Variants in GPHN observed in about 807,000 individuals in gnomAD.
The protein encoded by GPHN is gephyrin.
GPHN carries 17 observed loss-of-function variants against 95.5 expected under a neutral mutation model. The ratio of observed to expected loss-of-function variants is 0.18; its 90% CI spans 0.12 to 0.27. GPHN has a LOEUF of 0.27. Among genes scored for constraint, GPHN ranks in the 10% least tolerant of loss-of-function variants. The pLI is 1.00. For synonymous variants in GPHN, 320 were observed against 322.5 expected, an observed-to-expected ratio of 0.99 and a Z score of 0.08; for missense variants, 660 against 978.1, an observed-to-expected ratio of 0.67 and a Z score of 4.34.
chr14:67,442,910 C>G, the GPHN span, among the ~76,000 whole-genome samples: 3 of 152,190 alleles, frequency 2.0e-5, no homozygotes, highest in East Asian at 5.8e-4. Flanking sequence ...TGTAATAAAG[C>G]CAACGACGTT....
chr14:67,346,861 A>C, the GPHN span, among the ~76,000 whole-genome samples: 6 of 152,332 alleles, frequency 3.9e-5, 1 homozygote, highest in South Asian at 1.2e-3. Context: ...ACAGAAGTCT[A>C]ATCAGTGAAT....
the GPHN span, among the ~76,000 whole-genome samples, chr14:67,293,516 G>A: frequency 3.9e-5 from 6 of 152,134 alleles, no homozygotes; most frequent in Non-Finnish European, 8.8e-5. Flanking sequence ...GTACTTTGTA[G>A]ATTAGCACAT....
At chr14:67,121,040 A>T (rs1030476184) in intron 16 of GPHN, among the ~76,000 whole-genome samples, 1 of 152,192 alleles carries the variant, frequency 6.6e-6, no homozygotes, top group Non-Finnish European at 1.5e-5. Flanking sequence ...ATTGTCTGGG[A>T]GAATTCATAT....
chr14:67,381,536 TA>T, the GPHN span: 1 of 1,399,670 alleles, frequency 7.1e-7, no homozygotes, highest in Non-Finnish European at 1.0e-6. Flanking sequence ...TGATTTCCTT[TA>T]AACTTTTAAA....
At chr14:67,398,477 TCTC>T in the GPHN span, among the ~76,000 whole-genome samples, 4 of 152,088 alleles carry the variant, frequency 2.6e-5, no homozygotes, top group African/African-American at 9.7e-5. Flanking sequence ...AAACTACCCT[TCTC>T]TTTATTCCTG....
chr14:67,039,111 A>G (rs926950836), intron 10 of GPHN, among the ~76,000 whole-genome samples: 1 of 152,190 alleles, frequency 6.6e-6, no homozygotes, highest in Non-Finnish European at 1.5e-5. Flanking sequence ...TCCATTTTCC[A>G]TAGTACTAAG....
chr14:67,095,859 G>T (rs2077350865), intron 12 of GPHN, among the ~76,000 whole-genome samples: 1 of 149,074 alleles, frequency 6.7e-6, no homozygotes, highest in Non-Finnish European at 1.5e-5. Flanking sequence ...CAGCACACCA[G>T]CATGGCACAT....
At chr14:67,302,772 A>T in the GPHN span, among the ~76,000 whole-genome samples, 8 of 152,176 alleles carry the variant, frequency 5.3e-5, no homozygotes, top group Non-Finnish European at 1.2e-4. Context: ...TTTCTGATGT[A>T]TCACTATCAC....
intron 3 of GPHN, among the ~76,000 whole-genome samples, chr14:66,805,494 T>G (rs903607888): frequency 4.6e-5 from 7 of 152,094 alleles, no homozygotes; most frequent in African/African-American, 1.4e-4. Flanking sequence ...GTCCAAAGTC[T>G]CATCCAAGAC....
the GPHN span, among the ~76,000 whole-genome samples, chr14:67,594,368 G>C: frequency 6.6e-6 from 1 of 152,302 alleles, no homozygotes; most frequent in Non-Finnish European, 1.5e-5. Flanking sequence ...AAAGGACCCA[G>C]CCGAGTGAGG....
intron 1 of GPHN, among the ~76,000 whole-genome samples, chr14:66,617,556 G>T (rs1006618356): frequency 1.3e-5 from 2 of 152,124 alleles, no homozygotes; most frequent in Non-Finnish European, 2.9e-5. Flanking sequence ...GTTCTGATGA[G>T]ATAACCTGGA....
the GPHN span, chr14:67,573,850 G>A: frequency 1.2e-6 from 2 of 1,613,762 alleles, no homozygotes; most frequent in Non-Finnish European, 1.7e-6. The surrounding 1 kb of genome is among the most constrained non-coding windows in gnomAD (Gnocchi z 4.8). Flanking sequence ...AACTCCCGCT[G>A]CCAAATTGTT....
At chr14:66,986,571 A>G (rs2071041582) in intron 9 of GPHN, among the ~76,000 whole-genome samples, 1 of 152,160 alleles carries the variant, frequency 6.6e-6, no homozygotes, top group South Asian at 2.1e-4. Flanking sequence ...ATCACATTTA[A>G]TGCTGCCACC....
intron 1 of GPHN, among the ~76,000 whole-genome samples, chr14:66,519,700 G>T (rs1416940129): frequency 1.3e-5 from 2 of 152,018 alleles, no homozygotes; most frequent in East Asian, 3.8e-4. Flanking sequence ...ATAGTATTTT[G>T]CACTTTCTTC....
intron 4 of GPHN, among the ~76,000 whole-genome samples, chr14:66,873,827 C>T (rs773719601): frequency 5.9e-5 from 9 of 151,930 alleles, no homozygotes; most frequent in Middle Eastern, 3.2e-3. Context: ...CGGATGTGGG[C>T]GCATACTTAA....
At chr14:66,976,732 C>A (rs1178291661) in intron 9 of GPHN, among the ~76,000 whole-genome samples, 1 of 151,960 alleles carries the variant, frequency 6.6e-6, no homozygotes, top group African/African-American at 2.4e-5. Context: ...GACATTTTAA[C>A]CCTGTTCTTA....
chr14:67,473,286 G>A, the GPHN span: 32 of 1,264,492 alleles, frequency 2.5e-5, no homozygotes, highest in Admixed American at 7.4e-4. The surrounding 1 kb of genome is among the most constrained non-coding windows in gnomAD (Gnocchi z 6.5). Flanking sequence ...ACGTTAGGGG[G>A]CTCTGTGTGC....
At chr14:66,587,392 G>T (rs886866250) in intron 1 of GPHN, among the ~76,000 whole-genome samples, 4 of 152,154 alleles carry the variant, frequency 2.6e-5, no homozygotes, top group Non-Finnish European at 4.4e-5. Context: ...AGGCCTGTAT[G>T]ACCCTGATAC....
chr14:67,181,908 T>G (rs2083329759), downstream of GPHN: 1 of 164,252 alleles, frequency 6.1e-6, no homozygotes, highest in Admixed American at 6.4e-5. Context: ...CCAAGAATAT[T>G]TAAAATATGG....
Sources: gnomAD v4.1 joint callset for allele counts (sites outside exome capture counted in the v4.1 genomes callset) on GRCh38, gnomAD v4.1.1 for gene constraint, Gnocchi (gnomAD v3.1) non-coding constraint, MANE v1.5 for transcripts, NCBI Gene and HGNC (gene_info 2026-07-23, HGNC 2026-07-21) for gene names.